The following SEMA3C variants were observed in gnomAD, a reference collection of about 807,000 sequenced individuals.
SEMA3C encodes semaphorin-3C.
Under a neutral mutation model 89.4 loss-of-function variants are expected in SEMA3C, and 47 were observed. The observed-to-expected ratio is 0.53, with a 90% CI of 0.42 to 0.67. The LOEUF (loss-of-function observed/expected upper bound fraction) is 0.67. Ranked by LOEUF, SEMA3C falls within the 30% of genes least tolerant of loss-of-function variation. SEMA3C has a pLI of 0.00. For synonymous variants in SEMA3C, 310 were observed against 320.2 expected (o/e 0.97, Z 0.34); for missense variants, 839 against 929.1 (o/e 0.90, Z 1.26).
intron 2 of SEMA3C, among the ~76,000 whole-genome samples, chr7:80,834,785 G>A (rs1315552978): frequency 6.6e-6 from 1 of 152,014 alleles, no homozygotes; most frequent in Non-Finnish European, 1.5e-5. Context: ...GCTTCAAAAG[G>A]CCAGAGTATT....
chr7:80,895,553 C>T (rs565412340), intron 2 of SEMA3C, among the ~76,000 whole-genome samples: 56 of 152,196 alleles, frequency 3.7e-4, no homozygotes, highest in African/African-American at 1.0e-3. Context: ...GCAAAAAATT[C>T]GAATCCTTGA....
At chr7:80,887,291 A>G (rs1248739805) in intron 2 of SEMA3C, among the ~76,000 whole-genome samples, 1 of 152,210 alleles carries the variant, frequency 6.6e-6, no homozygotes, top group Non-Finnish European at 1.5e-5. Flanking sequence ...TCAATTTGGT[A>G]TAACAGAAAT....
At chr7:80,766,482 T>C (rs1364288869) in intron 12 of SEMA3C, among the ~76,000 whole-genome samples, 2 of 152,208 alleles carry the variant, frequency 1.3e-5, no homozygotes, top group African/African-American at 4.8e-5. Flanking sequence ...ATCTTCTTCC[T>C]TTACATAGGG....
At chr7:80,794,796 C>T (rs1207103828) in intron 11 of SEMA3C, among the ~76,000 whole-genome samples, 2 of 152,218 alleles carry the variant, frequency 1.3e-5, no homozygotes, top group African/African-American at 2.4e-5. Context: ...CATTCTTTGG[C>T]TGCCCTTTGC....
intron 2 of SEMA3C, among the ~76,000 whole-genome samples, chr7:80,888,258 CA>C (rs916179325): frequency 4.0e-5 from 6 of 151,532 alleles, no homozygotes; most frequent in Admixed American, 3.9e-4. Context: ...ACAAAAAATA[CA>C]AAAAACTAGC....
upstream of SEMA3C, chr7:80,919,248 G>A (rs1792356537): frequency 2.0e-6 from 2 of 985,104 alleles, no homozygotes; most frequent in Admixed American, 6.2e-5. Flanking sequence ...CCGCGGGGGC[G>A]GACCGGGCGG....
intron 4 of SEMA3C, among the ~76,000 whole-genome samples, chr7:80,821,128 T>C (rs773061822): frequency 6.6e-6 from 1 of 152,210 alleles, no homozygotes; most frequent in East Asian, 1.9e-4. Flanking sequence ...AATCATATTG[T>C]ATATTTTACC....
chr7:80,851,224 C>T (rs570360702), intron 2 of SEMA3C, among the ~76,000 whole-genome samples: 13 of 152,006 alleles, frequency 8.6e-5, no homozygotes, highest in South Asian at 6.2e-4. Flanking sequence ...AGATGACATT[C>T]GGCCTGGCAC....
rs560288645 is a variant in SEMA3C, at chr7:80,898,819, T to C, written c.103+17860A>G. Among the ~76,000 whole-genome samples, 39 of 148,624 alleles carry C rather than the reference T, an allele frequency of 2.6e-4. 1 individual carries two copies. The South Asian group carries it at 3.8e-3, about 14-fold the overall frequency. On this transcript the variant is annotated intron_variant, in intron 2 of 17. Coordinates refer to ENST00000265361, the MANE Select transcript of SEMA3C (RefSeq NM_006379.5). ...GCCACAGCCTGTCCATAATTTTTGT[T>C]TGACCAAAAAAAAAAAAAAAAAATT...
At chr7:80,862,875 T>C (rs1790805313) in intron 2 of SEMA3C, among the ~76,000 whole-genome samples, 1 of 152,106 alleles carries the variant, frequency 6.6e-6, no homozygotes, top group Non-Finnish European at 1.5e-5. Flanking sequence ...GGTGCTGGGA[T>C]AATTGGCTAG....
chr7:80,799,203 A>T (rs1789139020), intron 10 of SEMA3C, among the ~76,000 whole-genome samples: 1 of 152,196 alleles, frequency 6.6e-6, no homozygotes, highest in Non-Finnish European at 1.5e-5. Flanking sequence ...GGGCAACTGC[A>T]AATATTTAAA....
chr7:80,828,850 A>C, intron 2 of SEMA3C, 105 bp from the exon 3 acceptor site: 2 of 870,500 alleles, frequency 2.3e-6, no homozygotes, highest in East Asian at 5.4e-5. Context: ...GTCAAGGTAC[A>C]TTTTCTTCTA....
chr7:80,789,434 T>C lies in SEMA3C; in HGVS notation c.1226A>G (p.Asn409Ser), dbSNP rs769700491. The C allele has an allele frequency of 3.7e-6, 6 of 1,613,942 alleles. No homozygotes were observed. Among genetic ancestry groups the C allele is most frequent in the Non-Finnish European group, 5.1e-6 (6 of 1,179,978 alleles). ...CCTTTTGTGGATTGGGTAGATGGAA[T>C]TGTACATGAGAGGATGGTTCCGAAT... The part of the protein sequence containing the change: ...TFIRNHPLMY[N>S]SIYPIHKRPL... The change falls in exon 12 of 18, where the codon AAT becomes AGT. Residue 409 changes from asparagine (N) to serine (S), a missense_variant. By Grantham distance (46) the Asn-to-Ser change is conservative (BLOSUM62 1). Coordinates refer to ENST00000265361, the MANE Select transcript of SEMA3C (RefSeq NM_006379.5).
intron 12 of SEMA3C, among the ~76,000 whole-genome samples, chr7:80,787,232 A>C (rs957483869): frequency 4.6e-5 from 7 of 151,928 alleles, no homozygotes; most frequent in African/African-American, 1.7e-4. Context: ...TCTCTATTAA[A>C]AATACAAAAA....
At chr7:80,749,951 CTT>C (rs1562856936) in intron 16 of SEMA3C, among the ~76,000 whole-genome samples, 1 of 152,086 alleles carries the variant, frequency 6.6e-6, no homozygotes, top group African/African-American at 2.4e-5. Context: ...AACTGATACA[CTT>C]TTATAAAATA....
At chr7:80,767,860 T>C (rs531909867) in intron 12 of SEMA3C, among the ~76,000 whole-genome samples, 13 of 152,290 alleles carry the variant, frequency 8.5e-5, no homozygotes, top group African/African-American at 3.1e-4. Flanking sequence ...ACATAAAAGA[T>C]TTTATCTCAT....
intron 2 of SEMA3C, among the ~76,000 whole-genome samples, chr7:80,895,268 A>G (rs186765399): frequency 6.6e-6 from 1 of 152,318 alleles, no homozygotes; most frequent in Non-Finnish European, 1.5e-5. Flanking sequence ...GTGGTCATGA[A>G]TAAGAGGAAA....
intron 11 of SEMA3C, among the ~76,000 whole-genome samples, chr7:80,797,107 T>A (rs1296533781): frequency 6.6e-6 from 1 of 152,144 alleles, no homozygotes; most frequent in Non-Finnish European, 1.5e-5. Flanking sequence ...TTTTGATTTT[T>A]AAAATAAATT....
intron 16 of SEMA3C, among the ~76,000 whole-genome samples, 152 bp downstream of exon 16, chr7:80,751,116 GT>G: frequency 6.6e-6 from 1 of 152,238 alleles, no homozygotes; most frequent in East Asian, 1.9e-4. Flanking sequence ...AAGCCTTTAA[GT>G]TTTAATTACC....
Sources: gnomAD v4.1 joint callset for allele counts (sites outside exome capture counted in the v4.1 genomes callset) on GRCh38, gnomAD v4.1.1 for gene constraint, MANE v1.5 for transcripts, NCBI Gene and HGNC (gene_info 2026-07-23, HGNC 2026-07-21) for gene names.